Variants in ARMC12 observed in about 807,000 individuals in gnomAD.
ARMC12 encodes armadillo repeat containing 12.
A neutral mutation model predicts 37.4 loss-of-function variants in ARMC12; 25 were observed. The observed-to-expected ratio is 0.67, with a 90% CI of 0.49 to 0.93. The LOEUF (loss-of-function observed/expected upper bound fraction) is 0.93. ARMC12 is among the 40% of genes least tolerant of loss of function. ARMC12 has a pLI of 0.00. For missense variants in ARMC12, 384 were observed against 426.6 expected (o/e 0.90, Z 0.88); for synonymous variants, 167 against 176.1 (o/e 0.95, Z 0.41).
intron 3 of ARMC12, among the ~76,000 whole-genome samples, chr6:35,745,641 T>G (rs1399133946): frequency 3.3e-5 from 5 of 152,356 alleles, no homozygotes; most frequent in African/African-American, 1.2e-4. Flanking sequence ...ACCAATTTCC[T>G]AGTTTTGCTA....
the ARMC12 span, among the ~76,000 whole-genome samples, chr6:35,731,711 G>T: frequency 2.0e-5 from 3 of 152,118 alleles, no homozygotes; most frequent in African/African-American, 7.2e-5. Context: ...ACCCTCACCC[G>T]GGTGAACTAG....
chr6:35,737,626 G>A (rs1767010134), intron 1 of ARMC12, among the ~76,000 whole-genome samples: 2 of 152,218 alleles, frequency 1.3e-5, no homozygotes, highest in Admixed American at 1.3e-4. Context: ...GAAGATTGGA[G>A]GACTTACTAT....
chr6:35,734,354 G>A (rs777276868), upstream of ARMC12, among the ~76,000 whole-genome samples: 52 of 152,144 alleles, frequency 3.4e-4, no homozygotes, highest in Admixed American at 7.2e-4. Context: ...GGGGGTTGGC[G>A]GGGTTTGCTT....
At chr6:35,734,140 A>C (rs143066962), upstream of ARMC12, 1 of 152,124 alleles carries the variant, frequency 6.6e-6, no homozygotes, top group South Asian at 2.1e-4. Flanking sequence ...CCTACGATCT[A>C]TTATCACCAT....
chr6:35,736,296 G>C (rs946297990), upstream of ARMC12, among the ~76,000 whole-genome samples: 2 of 152,202 alleles, frequency 1.3e-5, no homozygotes, highest in Admixed American at 1.3e-4. Context: ...CTGATGCGGG[G>C]AGGGAACCCT....
At chr6:35,733,516 T>A (rs915076154), upstream of ARMC12, among the ~76,000 whole-genome samples, 1 of 152,040 alleles carries the variant, frequency 6.6e-6, no homozygotes, top group African/African-American at 2.4e-5. Context: ...ACTAAACTGG[T>A]TTGTTTGTTT....
At chr6:35,744,286 T>C (rs1767270549) in intron 3 of ARMC12, among the ~76,000 whole-genome samples, 1 of 151,758 alleles carries the variant, frequency 6.6e-6, no homozygotes, top group Non-Finnish European at 1.5e-5. Flanking sequence ...GGATTACAGG[T>C]GTACACCACC....
intron 3 of ARMC12, among the ~76,000 whole-genome samples, chr6:35,742,195 G>A (rs1455432061): frequency 6.6e-6 from 1 of 151,560 alleles, no homozygotes; most frequent in African/African-American, 2.4e-5. Context: ...CACCTGGAGA[G>A]CTTGTTAAAA....
At chr6:35,736,910 C>G (rs1370719099), upstream of ARMC12, 2 of 740,588 alleles carry the variant, frequency 2.7e-6, no homozygotes, top group Admixed American at 2.9e-5. Flanking sequence ...GTGCCTGGCC[C>G]CATCTGTTCT....
chr6:35,744,500 C>A (rs901375846), intron 3 of ARMC12, among the ~76,000 whole-genome samples: 9 of 152,038 alleles, frequency 5.9e-5, no homozygotes, highest in African/African-American at 2.2e-4. Context: ...GTATCAAGTG[C>A]TTTCAAAACT....
rs773549586 is a variant in ARMC12, at chr6:35,748,644, A to G, written c.797A>G (p.His266Arg). 8 of 1,613,752 alleles carry G rather than the reference A, an allele frequency of 5.0e-6. No homozygotes were observed. The South Asian group carries it at 6.6e-5, about 13-fold the overall frequency. The change falls in exon 6 of 6, where the codon CAC becomes CGC. Residue 266 changes from histidine to arginine, a missense_variant. Coordinates refer to ENST00000373866, the MANE Select transcript of ARMC12 (RefSeq NM_001286574.2). ...ERLSEGRNAP[H>R]YHVVKWHYNE... ...CTGAGTGAGGGCCGGAACGCACCCC[A>G]CTACCACGTGGTGAAATGGCATTAC...
chr6:35,747,504 A>C lies in ARMC12; in HGVS notation c.618+70A>C, dbSNP rs1459315387. The C allele has an allele frequency of 2.5e-6, 4 of 1,611,604 alleles. No individual in the cohort carries two copies. In the African/African-American group the frequency reaches 5.3e-5, roughly 22 times the overall value. ...TAGCACAGTACTTAGAGGGAGGAGC[A>C]GAGGTTTATATCTTCCTTGCTGAGG... On this transcript the variant is annotated intron_variant, in intron 4 of 5. Coordinates refer to ENST00000373866, the MANE Select transcript of ARMC12 (RefSeq NM_001286574.2).
At chr6:35,743,956 A>G (rs931298887) in intron 3 of ARMC12, among the ~76,000 whole-genome samples, 5 of 151,900 alleles carry the variant, frequency 3.3e-5, no homozygotes, top group Admixed American at 1.3e-4. Context: ...AAAAAAAAAA[A>G]AAGAAAAAAG....
At chr6:35,743,234 G>C (rs80071501) in intron 3 of ARMC12, among the ~76,000 whole-genome samples, 4 of 67,170 alleles carry the variant, frequency 6.0e-5, no homozygotes, top group Non-Finnish European at 1.2e-4. Context: ...TTTTTTTTTT[G>C]AGACGGAGTT....
Position 35,738,098 on chromosome 6 carries a change from T to G in ARMC12, c.235T>G (p.Cys79Gly). Residue 79 changes from cysteine (C) to glycine (G), a missense_variant, in exon 2 of 6, where the codon TGC becomes GGC. Physicochemically the swap from Cys to Gly is radical, Grantham distance 159. Transcript: ENST00000373866. ...CCGGAGGCTCCTCAACTCTTTGGAG[T>G]GCAAACAGGATGAGTATGCCAAGAG... ...ELRRLLNSLE[C>G]KQDEYAKSMI... is the part of the protein sequence containing the mutation. 1 of 1,613,828 alleles carries G rather than the reference T, an allele frequency of 6.2e-7. No individual in the cohort carries two copies. Among genetic ancestry groups the G allele is most frequent in the Non-Finnish European group, 8.5e-7 (1 of 1,179,966 alleles).
Position 35,745,365 on chromosome 6 carries a change from G to A in ARMC12, c.445-1896G>A, listed in dbSNP as rs145535640. ...GGCGTTATGCTGAGTGAAAAAAGCC[G>A]ATCTCAAATGATCACATAAAGTGTG... On this transcript the variant is annotated intron_variant, in intron 3 of 5. Coordinates refer to ENST00000373866, the MANE Select transcript of ARMC12 (RefSeq NM_001286574.2). 1.8e-3 allele frequency among the ~76,000 whole-genome samples: 276 copies of A among 152,304 alleles called. 4 individuals carry two copies. The highest frequency in any genetic ancestry group is 6.4e-3 in the African/African-American group (264 of 41,564).
At chr6:35,735,426 A>G (rs993256355), upstream of ARMC12, 7 of 152,416 alleles carry the variant, frequency 4.6e-5, no homozygotes, top group African/African-American at 1.4e-4. This position sits in a 1 kb window ranked among gnomAD's most constrained non-coding sequence, Gnocchi z 4.0. Context: ...TAGAATGGCC[A>G]CCCAGGAGTG....
intron 3 of ARMC12, 35 bp from the exon 4 acceptor site, chr6:35,747,226 G>C (rs770359461): frequency 2.5e-5 from 40 of 1,593,372 alleles, no homozygotes; most frequent in Admixed American, 3.4e-5. Context: ...GTGATCACCT[G>C]TAAAAGTAAG....
Position 35,747,358 on chromosome 6 carries a change from A to G in ARMC12, c.542A>G (p.Asp181Gly), listed in dbSNP as rs753132304. ...LRLLNNLPLP[D>G]YVHPQLRRVM... ...CTCCTCAACAACCTTCCACTGCCCGACTATGTGCATCCACAGCTGCGACGG... is the reference window on the plus strand; with the variant it reads ...CTCCTCAACAACCTTCCACTGCCCGGCTATGTGCATCCACAGCTGCGACGG... Residue 181 changes from aspartate to glycine, a missense_variant, in exon 4 of 6, where the codon GAC becomes GGC. Physicochemically the swap from Asp to Gly is moderately conservative, Grantham distance 94. Transcript: ENST00000373866. 12 of 1,614,146 alleles carry G rather than the reference A, an allele frequency of 7.4e-6. No homozygotes were observed. In the East Asian group the frequency reaches 2.7e-4, roughly 36 times the overall value.
Sources: allele counts gnomAD v4.1 joint callset (sites outside exome capture counted in the v4.1 genomes callset), GRCh38; gene constraint gnomAD v4.1.1; non-coding constraint Gnocchi (gnomAD v3.1); transcripts MANE v1.5; gene names NCBI Gene and HGNC (gene_info 2026-07-23, HGNC 2026-07-21).